The following MUCL3 variants were observed in gnomAD, a reference collection of about 807,000 sequenced individuals.
MUCL3 encodes mucin like 3.
In MUCL3, 42 loss-of-function variants were observed where a neutral mutation model predicts 70.2. That is an observed-to-expected ratio of 0.60 (90% CI 0.47 to 0.77). The LOEUF (loss-of-function observed/expected upper bound fraction) is 0.77. Among genes scored for constraint, MUCL3 ranks in the 30% least tolerant of loss-of-function variants. The probability of loss-of-function intolerance (pLI) is 0.00; values close to 1 mark genes in which losing one functional copy is unlikely to be tolerated. For synonymous variants in MUCL3, 522 were observed against 647.0 expected, an observed-to-expected ratio of 0.81 and a Z score of 2.93; for missense variants, 1,429 against 1,670.0, an observed-to-expected ratio of 0.86 and a Z score of 2.52.
chr6:30,951,273 C>G lies in MUCL3; in HGVS notation c.2809C>G (p.Pro937Ala). ...RTPLANEITT[P>A]SRAEPTEHGE... ...CCCACTGGCCAATGAGATCACCACA[C>G]CATCCCGAGCAGAGCCTACAGAACA... is the stretch of plus-strand genomic sequence containing the variant. Residue 937 changes from proline (P) to alanine (A), a missense_variant, in exon 2 of 3, where the codon CCA becomes GCA. Transcript: ENST00000462446. 2 of 1,546,756 alleles carry G rather than the reference C, an allele frequency of 1.3e-6. No homozygotes were observed. The highest frequency in any genetic ancestry group is 1.7e-6 in the Non-Finnish European group (2 of 1,145,458).
Position 30,949,250 on chromosome 6 carries a change from G to C in MUCL3, c.786G>C (p.Leu262=). The change falls in exon 2 of 3, where the codon CTG becomes CTC. Residue 262 remains leucine, a synonymous_variant. Coordinates refer to ENST00000462446, the MANE Select transcript of MUCL3 (RefSeq NM_080870.4). Reference sequence around the variant, plus strand: ...CAACAGTTGCCTCAGACAAGCTCCTGACAAAAACTACAAAAAACATACAAG... The same window carrying C: ...CAACAGTTGCCTCAGACAAGCTCCTCACAAAAACTACAAAAAACATACAAG... ...SRTTVASDKL[L]TKTTKNIQET... The C allele has an allele frequency of 6.5e-7, 1 of 1,549,718 alleles. No individual in the cohort carries two copies. Among genetic ancestry groups the C allele is most frequent in the Non-Finnish European group, 8.7e-7 (1 of 1,146,560 alleles).
At position 30,950,891 on chromosome 6, in the gene MUCL3, A is replaced by G. The variant is rs1303303824; in HGVS notation, c.2427A>G (p.Pro809=). 2.6e-6 allele frequency: 4 copies of G among 1,548,978 alleles called. No homozygotes were observed. Among genetic ancestry groups the G allele is most frequent in the Non-Finnish European group, 3.5e-6 (4 of 1,146,466 alleles). Residue 809 remains proline (P), a synonymous_variant, in exon 2 of 3, where the codon CCA becomes CCG. Transcript: ENST00000462446. ...CTACAGAACACGCAGAAAGGACTCC[A>G]CTGGCCAATGAGAACACCACATCAT... The part of the protein sequence containing the change: ...AEPTEHAERT[P]LANENTTSSP...
intron 1 of MUCL3, among the ~76,000 whole-genome samples, chr6:30,947,771 G>C (rs1760374892): frequency 6.6e-6 from 1 of 151,472 alleles, no homozygotes. Flanking sequence ...TGTGAAGAGG[G>C]GGACCCAGTG....
At position 30,949,815 on chromosome 6, in the gene MUCL3, G is replaced by A; in HGVS notation, c.1351G>A (p.Glu451Lys). 1 of 1,550,446 alleles carries A rather than the reference G, an allele frequency of 6.4e-7. No individual in the cohort carries two copies. Among genetic ancestry groups the A allele is most frequent in the Middle Eastern group, 1.7e-4 (1 of 5,974 alleles). Reference sequence around the variant, plus strand: ...AGAAAATAGAGAAAGGACAGCCAATGAGAACACCACACCATCCCCAGCAGG... The same window carrying A: ...AGAAAATAGAGAAAGGACAGCCAATAAGAACACCACACCATCCCCAGCAGG... The part of the protein sequence containing the change: ...PTENRERTAN[E>K]NTTPSPAGPT... The change falls in exon 2 of 3, where the codon GAG becomes AAG. Residue 451 changes from glutamate (E) to lysine (K), a missense_variant. Coordinates refer to ENST00000462446, the MANE Select transcript of MUCL3 (RefSeq NM_080870.4).
Position 30,951,636 on chromosome 6 carries a change from T to C in MUCL3, c.3172T>C (p.Ser1058Pro). ...TPSANENTTPSPVKPTEHGEK... is the reference protein window; with the variant it reads ...TPSANENTTPPPVKPTEHGEK... ...ATCGGCCAATGAGAACACCACACCA[T>C]CCCCAGTAAAGCCTACAGAACATGG... Residue 1058 changes from serine to proline, a missense_variant, in exon 2 of 3, where the codon TCC (serine) becomes CCC (proline). Transcript: ENST00000462446. The C allele has an allele frequency of 1.3e-6, 2 of 1,547,324 alleles. No homozygotes were observed. Among genetic ancestry groups the C allele is most frequent in the Middle Eastern group, 3.3e-4 (2 of 5,992 alleles).
At position 30,951,700 on chromosome 6, in the gene MUCL3, C is replaced by T; in HGVS notation, c.3236C>T (p.Ser1079Phe). Reference protein sequence around the residue: ...TTLANEKITLSPEGPTEHGAK... With the variant: ...TTLANEKITLFPEGPTEHGAK... ...TTGGCCAATGAGAAGATCACACTAT[C>T]CCCAGAAGGGCCTACAGAACATGGA... Residue 1079 changes from serine to phenylalanine, a missense_variant, in exon 2 of 3, where the codon TCC becomes TTC. By Grantham distance (155) the Ser-to-Phe change is radical. Coordinates refer to ENST00000462446, the MANE Select transcript of MUCL3 (RefSeq NM_080870.4). 1 of 1,552,278 alleles carries T rather than the reference C, an allele frequency of 6.4e-7. No individual in the cohort carries two copies.
At chr6:30,941,445 C>G in intron 1 of MUCL3, among the ~76,000 whole-genome samples, 1 of 109,528 alleles carries the variant, frequency 9.1e-6, no homozygotes, top group East Asian at 3.5e-4. Context: ...TCTTCTTCTT[C>G]TTCTTCTTCT....
chr6:30,946,095 G>A (rs1355800387), intron 1 of MUCL3: 1 of 152,410 alleles, frequency 6.6e-6, no homozygotes, highest in East Asian at 1.9e-4. Context: ...TTTTCAAGAA[G>A]GTGGCCACAG....
chr6:30,952,542 G>A lies in MUCL3; in HGVS notation c.4035+43G>A, dbSNP rs763595601. 23 of 1,534,396 alleles carry A rather than the reference G, an allele frequency of 1.5e-5. No individual in the cohort carries two copies. The African/African-American group carries it at 2.5e-4, about 17-fold the overall frequency. ...CCCACAGAAATCAACCTATGGGATA[G>A]GGAATTGAGGATACATTAGGGGTCA... On this transcript the variant is annotated intron_variant, in intron 2 of 2. Transcript: ENST00000462446.
Position 30,952,133 on chromosome 6 carries a change from A to T in MUCL3, c.3669A>T (p.Lys1223Asn). ...CCACACTGACCACTGAGACCATAAA[A>T]GCCCCAGTAAAGTCCACAGAAAACC... is the stretch of plus-strand genomic sequence containing the variant. ...GNTTLTTETI[K>N]APVKSTENPE... The change falls in exon 2 of 3, where the codon AAA (lysine) becomes AAT (asparagine). Residue 1223 changes from lysine (K) to asparagine (N), a missense_variant. Physicochemically the swap from Lys to Asn is moderately conservative, Grantham distance 94. Transcript: ENST00000462446. 1 of 1,613,164 alleles carries T rather than the reference A, an allele frequency of 6.2e-7. No homozygotes were observed.
intron 1 of MUCL3, among the ~76,000 whole-genome samples, chr6:30,946,646 T>C (rs1321004890): frequency 6.6e-6 from 1 of 152,214 alleles, no homozygotes; most frequent in Non-Finnish European, 1.5e-5. Flanking sequence ...TAAACAAATA[T>C]ATGAACAGCA....
At chr6:30,941,448 CTTCTTCTTCTT>C in intron 1 of MUCL3, among the ~76,000 whole-genome samples, 1 of 108,908 alleles carries the variant, frequency 9.2e-6, no homozygotes, top group East Asian at 3.5e-4. Context: ...TCTTCTTCTT[CTTCTTCTTCTT>C]TTTTTTTTTT....
chr6:30,953,107 C>A lies in MUCL3; in HGVS notation c.4172C>A (p.Ser1391Tyr), dbSNP rs1194205499. ...AATCTTGGCATGGGCCAGATCCCTT[C>A]CCCACGGTGATCTTGGAGTAGGCGC... ...QQNLGMGQIP[S>Y]PR is the part of the protein sequence containing the mutation. Residue 1391 changes from serine (S) to tyrosine (Y), a missense_variant, in exon 3 of 3, where the codon TCC (serine) becomes TAC (tyrosine). Ser to Tyr is a moderately radical substitution (Grantham distance 144). Transcript: ENST00000462446. 6.2e-7 allele frequency: 1 copy of A among 1,614,118 alleles called. No homozygotes were observed. Among genetic ancestry groups the A allele is most frequent in the South Asian group, 1.1e-5 (1 of 91,076 alleles).
Position 30,951,672 on chromosome 6 carries a change from A to C in MUCL3, c.3208A>C (p.Thr1070Pro), listed in dbSNP as rs1760703484. 6.4e-7 allele frequency: 1 copy of C among 1,552,142 alleles called. No homozygotes were observed. Among genetic ancestry groups the C allele is most frequent in the African/African-American group, 1.4e-5 (1 of 73,012 alleles). Residue 1070 changes from threonine to proline, a missense_variant, in exon 2 of 3, where the codon ACA becomes CCA. Thr to Pro is a conservative substitution (Grantham distance 38). Transcript: ENST00000462446. Reference sequence around the variant, plus strand: ...GCCTACAGAACATGGAGAAAAGACTACATTGGCCAATGAGAAGATCACACT... The same window carrying C: ...GCCTACAGAACATGGAGAAAAGACTCCATTGGCCAATGAGAAGATCACACT... Reference protein sequence around the residue: ...VKPTEHGEKTTLANEKITLSP... With the variant: ...VKPTEHGEKTPLANEKITLSP...
intron 1 of MUCL3, among the ~76,000 whole-genome samples, chr6:30,941,405 G>A (rs1351697283): frequency 1.3e-5 from 2 of 151,868 alleles, no homozygotes; most frequent in African/African-American, 4.8e-5. Flanking sequence ...CACCGTGCAC[G>A]GAATTCACAG....
At position 30,948,845 on chromosome 6, in the gene MUCL3, C is replaced by G. The variant is rs1312224598; in HGVS notation, c.381C>G (p.Asn127Lys). Residue 127 changes from asparagine (N) to lysine (K), a missense_variant, in exon 2 of 3, where the codon AAC becomes AAG. Coordinates refer to ENST00000462446, the MANE Select transcript of MUCL3 (RefSeq NM_080870.4). ...APPTSEENSS[N>K]QGKDPMIRNQ... ...CCACTTCTGAAGAAAACTCCAGCAA[C>G]CAAGGGAAAGACCCAATGATCCGGA... is the stretch of plus-strand genomic sequence containing the variant. The G allele has an allele frequency of 1.9e-6, 3 of 1,551,666 alleles. No homozygotes were observed. The highest frequency in any genetic ancestry group is 8.7e-7 in the Non-Finnish European group (1 of 1,146,974).
intron 1 of MUCL3, among the ~76,000 whole-genome samples, chr6:30,947,073 A>G (rs1795809657): frequency 6.6e-6 from 1 of 152,194 alleles, no homozygotes; most frequent in Non-Finnish European, 1.5e-5. Flanking sequence ...GACCGCTTCT[A>G]AAGAGCCTTA....
chr6:30,953,059 C>G lies in MUCL3; in HGVS notation c.4124C>G (p.Pro1375Arg). Residue 1375 changes from proline to arginine, a missense_variant, in exon 3 of 3, where the codon CCG (proline) becomes CGG (arginine). By Grantham distance (103) the Pro-to-Arg change is moderately radical. Coordinates refer to ENST00000462446, the MANE Select transcript of MUCL3 (RefSeq NM_080870.4). ...GATGAGGGTGGCCCCAATTCCTACC[C>G]GGTCTACCTGATGGAGCAGCAGAAT... The part of the protein sequence containing the change: ...AEDEGGPNSY[P>R]VYLMEQQNLG... The G allele has an allele frequency of 3.1e-6, 5 of 1,614,262 alleles. No homozygotes were observed. Among genetic ancestry groups the G allele is most frequent in the Non-Finnish European group, 4.2e-6 (5 of 1,180,046 alleles).
Position 30,953,736 on chromosome 6 carries a change from A to C in MUCL3, c.*619A>C, listed in dbSNP as rs1275930578. 1 of 152,248 alleles carries C rather than the reference A, an allele frequency of 6.6e-6. No individual in the cohort carries two copies. The highest frequency in any genetic ancestry group is 1.5e-5 in the Non-Finnish European group (1 of 68,102). 9.4% of individuals were successfully genotyped at this position (152,248 alleles called of 1,614,324 possible). Reference sequence around the variant, plus strand: ...CCTGGAGAAAAAAAAGTCCAGAAGAAATCATAAATATCTCTCATCTACATG... The same window carrying C: ...CCTGGAGAAAAAAAAGTCCAGAAGACATCATAAATATCTCTCATCTACATG... On this transcript the variant is annotated 3_prime_UTR_variant, in exon 3 of 3. Transcript: ENST00000462446.
Sources: allele counts gnomAD v4.1 joint callset (sites outside exome capture counted in the v4.1 genomes callset), GRCh38; gene constraint gnomAD v4.1.1; transcripts MANE v1.5; gene names NCBI Gene and HGNC (gene_info 2026-07-23, HGNC 2026-07-21).